The following SDK1 variants were observed in gnomAD, a reference collection of about 807,000 sequenced individuals.
SDK1 encodes the protein sidekick cell adhesion molecule 1.
In SDK1, 157 loss-of-function variants were observed where a neutral mutation model predicts 245.5. The ratio of observed to expected loss-of-function variants is 0.64; its 90% CI spans 0.56 to 0.73. The LOEUF is 0.73. Ranked by LOEUF, SDK1 falls within the 30% of genes least tolerant of loss-of-function variation. The pLI is 0.00. For synonymous variants in SDK1, 1,647 were observed against 1,278.5 expected (o/e 1.29, Z -6.15); for missense variants, 3,583 against 3,002.3 (o/e 1.19, Z -4.52).
chr7:4,107,725 C>T (rs775607635), intron 22 of SDK1, among the ~76,000 whole-genome samples: 3 of 152,136 alleles, frequency 2.0e-5, no homozygotes, highest in South Asian at 4.1e-4. Flanking sequence ...GGTCCCAGCC[C>T]GCCTACGACC....
chr7:3,953,503 C>T (rs1452800764), intron 7 of SDK1, among the ~76,000 whole-genome samples: 1 of 152,190 alleles, frequency 6.6e-6, no homozygotes, highest in African/African-American at 2.4e-5. Flanking sequence ...AAGATTTTTT[C>T]ATCGAGGTTG....
At chr7:3,919,330 G>C in intron 5 of SDK1, among the ~76,000 whole-genome samples, 1 of 152,234 alleles carries the variant, frequency 6.6e-6, no homozygotes, top group East Asian at 1.9e-4. Context: ...GGGTGTCCCA[G>C]TCTTGCTCTT....
At chr7:3,783,491 G>A (rs911559681) in intron 4 of SDK1, among the ~76,000 whole-genome samples, 29 of 150,476 alleles carry the variant, frequency 1.9e-4, no homozygotes, top group Non-Finnish European at 2.4e-4. Flanking sequence ...AAAAAACCCT[G>A]TTGGAACTAA....
At chr7:3,804,374 C>G (rs946781309) in intron 4 of SDK1, among the ~76,000 whole-genome samples, 1 of 152,022 alleles carries the variant, frequency 6.6e-6, no homozygotes, top group Non-Finnish European at 1.5e-5. Flanking sequence ...GGTTTTTGCC[C>G]TTTGTAAAAA....
At chr7:3,478,317 T>C (rs1368955191) in intron 1 of SDK1, among the ~76,000 whole-genome samples, 2 of 152,098 alleles carry the variant, frequency 1.3e-5, no homozygotes, top group Admixed American at 1.3e-4. Flanking sequence ...GACTTATTTT[T>C]TGAGATAGAT....
intron 1 of SDK1, among the ~76,000 whole-genome samples, chr7:3,389,254 T>C (rs988085366): frequency 1.3e-5 from 2 of 152,118 alleles, no homozygotes; most frequent in Non-Finnish European, 2.9e-5. Context: ...ACTACAGATA[T>C]GATTAAGTTA....
intron 30 of SDK1, among the ~76,000 whole-genome samples, chr7:4,151,035 A>ATAAGGCCCTTTGGACGG (rs1385424080): frequency 2.0e-5 from 3 of 152,160 alleles, no homozygotes; most frequent in African/African-American, 7.2e-5. Flanking sequence ...CTTGGAGGTG[A>ATAAGGCCCTTTGGACGG]TAAGGCCCTT....
chr7:3,812,079 T>G (rs946915276), intron 4 of SDK1, among the ~76,000 whole-genome samples: 2 of 152,214 alleles, frequency 1.3e-5, no homozygotes, highest in African/African-American at 4.8e-5. Flanking sequence ...GATATCCCCT[T>G]GTGTTCAACA....
chr7:3,950,137 C>T (rs1392319880), intron 5 of SDK1, among the ~76,000 whole-genome samples: 1 of 152,264 alleles, frequency 6.6e-6, no homozygotes, highest in African/African-American at 2.4e-5. Context: ...ACACAACACA[C>T]AGAGCAGTAG....
intron 5 of SDK1, among the ~76,000 whole-genome samples, chr7:3,842,958 C>T (rs774227341): frequency 1.3e-5 from 2 of 152,060 alleles, no homozygotes; most frequent in African/African-American, 2.4e-5. Context: ...AAGGAGAAGA[C>T]GGTGGCTCAA....
At chr7:3,614,903 T>C (rs1781719999) in intron 1 of SDK1, among the ~76,000 whole-genome samples, 1 of 144,062 alleles carries the variant, frequency 6.9e-6, no homozygotes, top group South Asian at 2.1e-4. Context: ...ATGAAACCAT[T>C]CTTTAAAATG....
chr7:3,585,324 GT>G (rs1341283574), intron 1 of SDK1, among the ~76,000 whole-genome samples: 1 of 152,214 alleles, frequency 6.6e-6, no homozygotes, highest in African/African-American at 2.4e-5. Context: ...GAGGAAACAG[GT>G]AGTTGATGAA....
chr7:4,046,649 C>A (rs1007239597), intron 17 of SDK1, among the ~76,000 whole-genome samples: 5 of 152,164 alleles, frequency 3.3e-5, no homozygotes, highest in African/African-American at 4.8e-5. Flanking sequence ...GTGTCCAGCC[C>A]TTCTCCAGTA....
At chr7:3,577,734 C>G (rs923079991) in intron 1 of SDK1, among the ~76,000 whole-genome samples, 2 of 152,036 alleles carry the variant, frequency 1.3e-5, no homozygotes, top group Non-Finnish European at 2.9e-5. Context: ...AAGGCATTTT[C>G]TGTGTTAGTA....
chr7:3,707,815 CT>C (rs1046952994), intron 4 of SDK1, among the ~76,000 whole-genome samples: 16 of 152,124 alleles, frequency 1.1e-4, no homozygotes, highest in African/African-American at 3.9e-4. Context: ...TTTTGTGTCT[CT>C]TTTTTTCTTT....
intron 28 of SDK1, chr7:4,132,625 G>A: frequency 2.0e-6 from 1 of 488,490 alleles, no homozygotes; most frequent in Non-Finnish European, 3.8e-6. Flanking sequence ...CTACTTGGGA[G>A]GCTAAGGTGG....
intron 4 of SDK1, among the ~76,000 whole-genome samples, chr7:3,646,699 C>A (rs1782849689): frequency 1.3e-5 from 2 of 151,792 alleles, no homozygotes; most frequent in Admixed American, 1.3e-4. Flanking sequence ...TCTAGTCTTT[C>A]TCATCATTTA....
chr7:3,777,708 A>G (rs139246895), intron 4 of SDK1, among the ~76,000 whole-genome samples: 9 of 152,282 alleles, frequency 5.9e-5, no homozygotes, highest in South Asian at 4.1e-4. Flanking sequence ...ATGCCACACC[A>G]CACTGCCCAT....
chr7:3,822,326 A>G (rs1583450186), intron 5 of SDK1, among the ~76,000 whole-genome samples: 1 of 152,364 alleles, frequency 6.6e-6, no homozygotes, highest in African/African-American at 2.4e-5. Context: ...GGTTGAGAAA[A>G]TAGGGTTGAA....
Sources: allele counts gnomAD v4.1 joint callset (sites outside exome capture counted in the v4.1 genomes callset), GRCh38; gene constraint gnomAD v4.1.1; transcripts MANE v1.5; gene names NCBI Gene and HGNC (gene_info 2026-07-23, HGNC 2026-07-21).